The following XPO4 variants were observed in gnomAD, a reference collection of about 807,000 sequenced individuals.
XPO4 encodes exportin 4.
A neutral mutation model predicts 143.0 loss-of-function variants in XPO4; 39 were observed. The ratio of observed to expected loss-of-function variants is 0.27; its 90% CI spans 0.21 to 0.36. The LOEUF (loss-of-function observed/expected upper bound fraction) is 0.36, where lower values mean the gene tolerates loss of function less well. Ranked by LOEUF, XPO4 falls within the 10% of genes least tolerant of loss-of-function variation. The pLI is 1.00. For synonymous variants in XPO4, 439 were observed against 474.0 expected (o/e 0.93, Z 0.96); for missense variants, 907 against 1,348.0 (o/e 0.67, Z 5.12).
At chr13:20,894,066 T>C (rs1266401595) in intron 1 of XPO4, among the ~76,000 whole-genome samples, 1 of 152,112 alleles carries the variant, frequency 6.6e-6, no homozygotes, top group Non-Finnish European at 1.5e-5. Flanking sequence ...GGTCTCGAAC[T>C]CCCAACCTCA....
intron 18 of XPO4, among the ~76,000 whole-genome samples, chr13:20,795,777 T>G (rs955169279): frequency 4.6e-5 from 7 of 152,218 alleles, no homozygotes; most frequent in Non-Finnish European, 1.0e-4. Flanking sequence ...TTCTGTTTCC[T>G]CATCTATAAA....
chr13:20,883,511 T>C (rs1202811729), intron 1 of XPO4, among the ~76,000 whole-genome samples: 2 of 152,166 alleles, frequency 1.3e-5, no homozygotes, highest in Admixed American at 1.3e-4. Flanking sequence ...ATAAGTTAAG[T>C]CAGACAAGAG....
intron 9 of XPO4, among the ~76,000 whole-genome samples, chr13:20,812,678 A>G (rs758270826): frequency 2.0e-5 from 3 of 152,206 alleles, no homozygotes; most frequent in Non-Finnish European, 4.4e-5. Flanking sequence ...GAAATCCAAT[A>G]AAGCCTTTAG....
chr13:20,802,272 G>A (rs1476920830), intron 13 of XPO4, among the ~76,000 whole-genome samples: 1 of 152,088 alleles, frequency 6.6e-6, no homozygotes, highest in Non-Finnish European at 1.5e-5. Context: ...CACCCAGGCT[G>A]GTCTTGAACT....
chr13:20,841,079 C>A (rs1333167568), intron 6 of XPO4, among the ~76,000 whole-genome samples: 1 of 152,176 alleles, frequency 6.6e-6, no homozygotes, highest in Non-Finnish European at 1.5e-5. Context: ...TCACTCTCTA[C>A]CAACTGTATT....
rs892790480 is a variant in XPO4 at position 20,779,676 on chromosome 13, G to C, written c.*4046C>G. 4.6e-5 allele frequency: 7 copies of C among 152,592 alleles called. No individual in the cohort carries two copies. Among genetic ancestry groups the C allele is most frequent in the Non-Finnish European group, 8.8e-5 (6 of 68,032 alleles). The allele number at this position is 152,592 out of a possible 1,614,324, so 9.5% of individuals were successfully genotyped here. On this transcript the variant is annotated 3_prime_UTR_variant, in exon 23 of 23. Coordinates refer to ENST00000255305, the MANE Select transcript of XPO4 (RefSeq NM_022459.5). Reference sequence around the variant, plus strand: ...GTCTTTACTAAGACTTACCCATAGAGAACTACAGCAGGAAACCGATTTCTT... The same window carrying C: ...GTCTTTACTAAGACTTACCCATAGACAACTACAGCAGGAAACCGATTTCTT...
intron 9 of XPO4, among the ~76,000 whole-genome samples, chr13:20,819,546 G>C (rs1467244888): frequency 6.6e-6 from 1 of 152,098 alleles, no homozygotes; most frequent in East Asian, 1.9e-4. Flanking sequence ...TGTAATCCCA[G>C]CTACTCGGGA....
rs572212491 is a variant in XPO4 at position 20,880,802 on chromosome 13, A to G, written c.70-12101T>C. ...TGAAACCCCATCTCTACGAACACAT[A>G]CAAAAGTTAGCCAGGCCTGGTGGCT... is the stretch of plus-strand genomic sequence containing the variant. On this transcript the variant is annotated intron_variant, in intron 1 of 22. Transcript: ENST00000255305. 8.5e-4 allele frequency among the ~76,000 whole-genome samples: 130 copies of G among 152,126 alleles called. 3 individuals carry two copies. The South Asian group carries it at 0.026, about 31-fold the overall frequency.
At chr13:20,810,333 T>G (rs978467853) in intron 9 of XPO4, among the ~76,000 whole-genome samples, 10 of 152,194 alleles carry the variant, frequency 6.6e-5, no homozygotes, top group African/African-American at 2.4e-4. Context: ...ACTGACTTAA[T>G]CAGCAGGTTT....
intron 6 of XPO4, among the ~76,000 whole-genome samples, chr13:20,837,657 G>A (rs1210736576): frequency 6.6e-6 from 1 of 152,154 alleles, no homozygotes; most frequent in Non-Finnish European, 1.5e-5. Context: ...ACAAAAGAAA[G>A]AGATTTAATT....
intron 3 of XPO4, among the ~76,000 whole-genome samples, chr13:20,857,349 T>C (rs1028408452): frequency 6.6e-6 from 1 of 152,196 alleles, no homozygotes; most frequent in African/African-American, 2.4e-5. Context: ...GCTTACTATA[T>C]GCAAGAATTT....
At chr13:20,808,026 T>C (rs1003859894) in intron 12 of XPO4, among the ~76,000 whole-genome samples, 8 of 152,226 alleles carry the variant, frequency 5.3e-5, no homozygotes, top group East Asian at 1.9e-4. Flanking sequence ...ACTAATAGTA[T>C]GGTGGTCAAA....
At chr13:20,815,070 C>G (rs2059631716) in intron 9 of XPO4, among the ~76,000 whole-genome samples, 1 of 152,056 alleles carries the variant, frequency 6.6e-6, no homozygotes, top group Non-Finnish European at 1.5e-5. Flanking sequence ...AGATTAAAAT[C>G]TAACAACACT....
chr13:20,879,007 A>C (rs967586430), intron 1 of XPO4: 34 of 753,916 alleles, frequency 4.5e-5, no homozygotes, highest in Admixed American at 2.5e-4. Context: ...TTTTAAGTGC[A>C]TCACTGAGCT....
rs2059107580 is a variant in XPO4 at position 20,778,652 on chromosome 13, T to C, written c.*5070A>G. 6.6e-6 allele frequency: 1 copy of C among 152,222 alleles called. No individual in the cohort carries two copies. Among genetic ancestry groups the C allele is most frequent in the Admixed American group, 6.5e-5 (1 of 15,282 alleles). The allele number at this position is 152,222 out of a possible 1,614,324, so 9.4% of individuals were successfully genotyped here. On this transcript the variant is annotated 3_prime_UTR_variant, in exon 23 of 23. Coordinates refer to ENST00000255305, the MANE Select transcript of XPO4 (RefSeq NM_022459.5). ...AAATTTTTATATTTCTAATACTGGATATTCTGTGAGTACCACGGGTTCTCC... is the reference window on the plus strand; with the variant it reads ...AAATTTTTATATTTCTAATACTGGACATTCTGTGAGTACCACGGGTTCTCC...
At position 20,783,828 on chromosome 13, in the gene XPO4, G is replaced by C. The variant is rs564244765; in HGVS notation, c.3350C>G (p.Thr1117Ser). ...CAGCGTAGGAGGAGTGCTGCTTGCA[G>C]TGAGCTTGTTGAAGGCATCTGCTAA... ...QRLADAFNKL[T>S]ASSTPPTLDR... The change falls in exon 23 of 23, where the codon ACT becomes AGT. Residue 1117 changes from threonine to serine, a missense_variant. Coordinates refer to ENST00000255305, the MANE Select transcript of XPO4 (RefSeq NM_022459.5). The C allele has an allele frequency of 1.2e-6, 2 of 1,614,210 alleles. No individual in the cohort carries two copies. The highest frequency in any genetic ancestry group is 1.1e-5 in the South Asian group (1 of 91,084).
rs1029768602 is a variant in XPO4, at chr13:20,779,805, T to C, written c.*3917A>G. The C allele has an allele frequency of 1.3e-5, 2 of 152,608 alleles. No individual in the cohort carries two copies. Among genetic ancestry groups the C allele is most frequent in the African/African-American group, 4.8e-5 (2 of 41,440 alleles). The allele number at this position is 152,608 out of a possible 1,614,324, so 9.5% of individuals were successfully genotyped here. A position where few individuals can be genotyped will look rare whatever the true frequency, so the allele number is the denominator to read the frequency against. On this transcript the variant is annotated 3_prime_UTR_variant, in exon 23 of 23. Transcript: ENST00000255305. The stretch of plus-strand genomic sequence containing the variant: ...ACTATGTCATGGGTTCTCACTATAA[T>C]CAACAAAGCATACTTCATATATTTT...
chr13:20,863,040 A>C (rs1378291314), intron 2 of XPO4, 182 bp from the exon 3 acceptor site: 1 of 1,317,786 alleles, frequency 7.6e-7, no homozygotes, highest in African/African-American at 1.5e-5. Flanking sequence ...AAGACACCTC[A>C]GGCAGGTGGC....
intron 21 of XPO4, among the ~76,000 whole-genome samples, 167 bp from the exon 22 acceptor site, chr13:20,787,224 C>T (rs1030617895): frequency 2.0e-5 from 3 of 152,198 alleles, no homozygotes; most frequent in Admixed American, 2.0e-4. Flanking sequence ...GATATTGCTA[C>T]TTGCTGTGGT....
Sources: allele counts gnomAD v4.1 joint callset (sites outside exome capture counted in the v4.1 genomes callset), GRCh38; gene constraint gnomAD v4.1.1; transcripts MANE v1.5; gene names NCBI Gene and HGNC (gene_info 2026-07-23, HGNC 2026-07-21).